RXFP2: variants seen among roughly 807,000 people sequenced by gnomAD.
RXFP2 encodes the protein relaxin receptor 2.
A neutral mutation model predicts 88.6 loss-of-function variants in RXFP2; 68 were observed. The ratio of observed to expected loss-of-function variants is 0.77; its 90% CI spans 0.63 to 0.94. RXFP2 has a LOEUF of 0.94. Among genes scored for constraint, RXFP2 ranks in the 40% least tolerant of loss-of-function variants. The pLI is 0.00. For missense variants in RXFP2, 791 were observed against 893.9 expected, an observed-to-expected ratio of 0.88 and a Z score of 1.47; for synonymous variants, 329 against 306.8, an observed-to-expected ratio of 1.07 and a Z score of -0.76.
At chr13:31,796,361 A>C (rs1874046803) in intron 16 of RXFP2, among the ~76,000 whole-genome samples, 1 of 151,572 alleles carries the variant, frequency 6.6e-6, no homozygotes, top group African/African-American at 2.4e-5. Flanking sequence ...TTTCTCAGAC[A>C]ATTATATTCA....
At chr13:31,745,758 G>T (rs890870349) in intron 1 of RXFP2, among the ~76,000 whole-genome samples, 1 of 152,210 alleles carries the variant, frequency 6.6e-6, no homozygotes, top group African/African-American at 2.4e-5. Context: ...AGAGTATGAT[G>T]TGAGAGCATA....
At chr13:31,758,748 C>G (rs573210199) in intron 2 of RXFP2, among the ~76,000 whole-genome samples, 3 of 152,060 alleles carry the variant, frequency 2.0e-5, no homozygotes, top group South Asian at 2.1e-4. Context: ...CAAGAATATT[C>G]GTAAAGTGGC....
Sources: gnomAD v4.1 joint callset for allele counts (sites outside exome capture counted in the v4.1 genomes callset) on GRCh38, gnomAD v4.1.1 for gene constraint, MANE v1.5 for transcripts, NCBI Gene and HGNC (gene_info 2026-07-23, HGNC 2026-07-21) for gene names.